Variants in GPHN observed in about 807,000 individuals in gnomAD.
The protein encoded by GPHN is gephyrin.
GPHN carries 17 observed loss-of-function variants against 95.5 expected under a neutral mutation model. The observed-to-expected ratio is 0.18, with a 90% CI of 0.12 to 0.27. The LOEUF (loss-of-function observed/expected upper bound fraction) is 0.27. GPHN is among the 10% of genes least tolerant of loss of function. The pLI is 1.00. For missense variants in GPHN, 660 were observed against 978.1 expected (o/e 0.67, Z 4.34); for synonymous variants, 320 against 322.5 (o/e 0.99, Z 0.08).
chr14:67,310,369 T>C, the GPHN span, among the ~76,000 whole-genome samples: 1 of 152,234 alleles, frequency 6.6e-6, no homozygotes, highest in African/African-American at 2.4e-5. Context: ...GATTATATAC[T>C]ATGCTATTCC....
At chr14:67,480,575 G>C in the GPHN span, among the ~76,000 whole-genome samples, 3 of 152,186 alleles carry the variant, frequency 2.0e-5, no homozygotes, top group South Asian at 6.2e-4. Flanking sequence ...ACACTGAGGC[G>C]GTCTGAGGGC....
the GPHN span, among the ~76,000 whole-genome samples, chr14:67,225,922 T>TGGGA: frequency 1.7e-5 from 2 of 117,416 alleles, no homozygotes; most frequent in Non-Finnish European, 1.7e-5. Context: ...AAGCTAATGC[T>TGGGA]GTGAGTGTGT....
the GPHN span, chr14:67,729,691 C>T: frequency 9.1e-5 from 51 of 562,006 alleles, no homozygotes; most frequent in Middle Eastern, 5.4e-4. Flanking sequence ...GATCGTTTTT[C>T]TCCTTCTTTA....
intron 1 of GPHN, among the ~76,000 whole-genome samples, chr14:66,561,651 T>A (rs2060251930): frequency 6.6e-6 from 1 of 152,182 alleles, no homozygotes; most frequent in Admixed American, 6.6e-5. Context: ...TTAATCTATA[T>A]ATGTGTATTA....
intron 18 of GPHN, among the ~76,000 whole-genome samples, chr14:67,144,242 A>ATATATATAT (rs1567399860): frequency 2.9e-5 from 2 of 68,070 alleles, no homozygotes; most frequent in Admixed American, 2.2e-4. Flanking sequence ...GTCTTAAAAA[A>ATATATATAT]AAAAAAAAAT....
intron 1 of GPHN, among the ~76,000 whole-genome samples, chr14:66,579,638 T>C (rs1223008580): frequency 6.6e-6 from 1 of 151,738 alleles, no homozygotes; most frequent in Non-Finnish European, 1.5e-5. Context: ...AAAGTGTTGG[T>C]TAATCAAGAA....
the GPHN span, among the ~76,000 whole-genome samples, chr14:67,478,911 G>GA: frequency 6.6e-6 from 1 of 152,058 alleles, no homozygotes; most frequent in African/African-American, 2.4e-5. Flanking sequence ...AGTGGTAAGA[G>GA]AAAAAAGCAG....
At chr14:67,211,405 T>C in the GPHN span, among the ~76,000 whole-genome samples, 1 of 152,122 alleles carries the variant, frequency 6.6e-6, no homozygotes, top group Non-Finnish European at 1.5e-5. Flanking sequence ...TCCACTATAC[T>C]ACCCAATAAA....
intron 3 of GPHN, among the ~76,000 whole-genome samples, chr14:66,781,720 G>A (rs757189441): frequency 4.6e-5 from 7 of 151,990 alleles, no homozygotes; most frequent in Non-Finnish European, 8.8e-5. Context: ...TGTAACTAAG[G>A]TCTTTGTTTA....
chr14:66,851,786 A>G (rs2062594935), intron 4 of GPHN, among the ~76,000 whole-genome samples: 1 of 152,170 alleles, frequency 6.6e-6, no homozygotes, highest in South Asian at 2.1e-4. Flanking sequence ...GGAAAATATA[A>G]TGAGACTTGC....
At chr14:67,437,449 TAGG>T in the GPHN span, among the ~76,000 whole-genome samples, 1 of 152,068 alleles carries the variant, frequency 6.6e-6, no homozygotes, top group Non-Finnish European at 1.5e-5. Flanking sequence ...CAGACCAAGT[TAGG>T]AGATTTCCAT....
chr14:67,693,830 T>C, the GPHN span, among the ~76,000 whole-genome samples: 2 of 152,066 alleles, frequency 1.3e-5, no homozygotes, highest in Admixed American at 1.3e-4. Context: ...TTTGTATTTT[T>C]AGTAGAGACA....
the GPHN span, chr14:67,397,760 T>TGTAGTACACCAGCGTGTTCTGCC: frequency 6.2e-7 from 1 of 1,613,380 alleles, no homozygotes; most frequent in Non-Finnish European, 8.5e-7. Context: ...CCCTCAAGCT[T>TGTAGTACACCAGCGTGTTCTGCC]GTAGTACACC....
At position 66,599,391 on chromosome 14, in the gene GPHN, C is replaced by CTTTTTTTTT. The variant is rs1566679513; in HGVS notation, c.65-81716_65-81715insTTTTTTTTT. Among the ~76,000 whole-genome samples, 321 of 73,794 alleles carry CTTTTTTTTT rather than the reference C, an allele frequency of 4.3e-3. 2 individuals are homozygous for CTTTTTTTTT. Among genetic ancestry groups the CTTTTTTTTT allele is most frequent in the African/African-American group, 0.042 (261 of 6,160 alleles). 48.4% of individuals were successfully genotyped at this position (73,794 alleles called of 152,430 possible). A position where few individuals can be genotyped will look rare whatever the true frequency, so the allele number is the denominator to read the frequency against. On this transcript the variant is annotated intron_variant, in intron 1 of 22. Coordinates refer to ENST00000478722, the MANE Select transcript of GPHN (RefSeq NM_020806.5). The stretch of plus-strand genomic sequence containing the variant: ...TTCTCTGATTTTACATTTTTTTTTG[C>CTTTTTTTTT]ATTTTTTTTTTTTTTTTGCTAGATG...
chr14:67,429,167 A>G, the GPHN span, among the ~76,000 whole-genome samples: 1 of 151,946 alleles, frequency 6.6e-6, no homozygotes, highest in Non-Finnish European at 1.5e-5. Flanking sequence ...AACAATGATG[A>G]GGCCCAGTGT....
chr14:67,503,692 A>C, the GPHN span: 1 of 151,644 alleles, frequency 6.6e-6, no homozygotes, highest in Admixed American at 6.6e-5. Context: ...CTTTTTTTAA[A>C]TTATTTTTAT....
At chr14:66,915,231 C>T in intron 5 of GPHN, among the ~76,000 whole-genome samples, 1 of 152,130 alleles carries the variant, frequency 6.6e-6, no homozygotes, top group Non-Finnish European at 1.5e-5. Flanking sequence ...TTTAAAAATA[C>T]TGTAAAATTT....
At chr14:67,010,749 A>G (rs554363622) in intron 9 of GPHN, among the ~76,000 whole-genome samples, 2 of 152,256 alleles carry the variant, frequency 1.3e-5, no homozygotes, top group African/African-American at 2.4e-5. Flanking sequence ...TATATTGCCC[A>G]TATGATAACT....
At chr14:67,012,636 G>C (rs1012256228) in intron 9 of GPHN, among the ~76,000 whole-genome samples, 1 of 152,112 alleles carries the variant, frequency 6.6e-6, no homozygotes, top group Admixed American at 6.5e-5. Flanking sequence ...ATCATTACCA[G>C]AAAAACATGT....
Sources: allele counts gnomAD v4.1 joint callset (sites outside exome capture counted in the v4.1 genomes callset), GRCh38; gene constraint gnomAD v4.1.1; transcripts MANE v1.5; gene names NCBI Gene and HGNC (gene_info 2026-07-23, HGNC 2026-07-21).